The following RALYL variants were observed in gnomAD, a reference collection of about 807,000 sequenced individuals.
RALYL encodes RNA-binding Raly-like protein.
In RALYL, 29 loss-of-function variants were observed where a neutral mutation model predicts 35.1. That is an observed-to-expected ratio of 0.83 (90% CI 0.61 to 1.13). The LOEUF (loss-of-function observed/expected upper bound fraction) is 1.13. RALYL is among the 50% of genes most tolerant of loss of function. The pLI is 0.00. For synonymous variants in RALYL, 120 were observed against 127.6 expected, an observed-to-expected ratio of 0.94 and a Z score of 0.40; for missense variants, 359 against 360.4, an observed-to-expected ratio of 1.00 and a Z score of 0.03.
chr8:84,898,965 T>G (rs908540883), intron 8 of RALYL, among the ~76,000 whole-genome samples: 1 of 152,118 alleles, frequency 6.6e-6, no homozygotes, highest in Non-Finnish European at 1.5e-5. Flanking sequence ...TGAGCCAGGG[T>G]GTTCTTTTTT....
chr8:84,796,141 G>A (rs751932288), intron 3 of RALYL, among the ~76,000 whole-genome samples: 1 of 152,108 alleles, frequency 6.6e-6, no homozygotes, highest in African/African-American at 2.4e-5. Context: ...ACTTCTTTGC[G>A]CAGATGGAGG....
chr8:84,393,564 C>A (rs61435433), intron 1 of RALYL, among the ~76,000 whole-genome samples: 4,299 of 152,090 alleles, frequency 0.028, 197 homozygotes, highest in African/African-American at 0.098. Context: ...AGGAGGAGAC[C>A]ACTGGCGGTC....
intron 1 of RALYL, among the ~76,000 whole-genome samples, chr8:84,506,878 T>C (rs2057213611): frequency 6.6e-6 from 1 of 152,042 alleles, no homozygotes; most frequent in Non-Finnish European, 1.5e-5. Context: ...TTTGCTCTCT[T>C]CTGAAGGTAA....
chr8:84,727,052 A>G (rs72681024), intron 2 of RALYL, among the ~76,000 whole-genome samples: 36,503 of 152,018 alleles, frequency 0.24, 4,582 homozygotes, highest in African/African-American at 0.28. Context: ...GAAGACACTA[A>G]GTGTGTTTAG....
chr8:84,539,863 T>TATATGTGC (rs2135214841), intron 2 of RALYL, among the ~76,000 whole-genome samples: 2 of 84,998 alleles, frequency 2.4e-5, no homozygotes, highest in African/African-American at 9.0e-5. Context: ...TGTATATATA[T>TATATGTGC]ATATATATAT....
At chr8:84,754,151 C>T (rs2133258236) in intron 2 of RALYL, among the ~76,000 whole-genome samples, 1 of 152,052 alleles carries the variant, frequency 6.6e-6, no homozygotes, top group Middle Eastern at 3.4e-3. Context: ...TAATTAGATC[C>T]CATTTGTCAA....
At position 84,683,715 on chromosome 8, in the gene RALYL, C is replaced by T. The variant is rs1436005562; in HGVS notation, c.257-90864C>T. 3.3e-5 allele frequency among the ~76,000 whole-genome samples: 5 copies of T among 152,216 alleles called. No individual in the cohort carries two copies. The East Asian group carries it at 9.7e-4, about 29-fold the overall frequency. ...TTTGGTTTTGGTTTTGAAACTGAGT[C>T]TCACACTGTCACCCAGGCTGGAGTG... On this transcript the variant is annotated intron_variant, in intron 2 of 8. Transcript: ENST00000521268.
At chr8:84,360,566 C>T (rs1030218529) in intron 1 of RALYL, among the ~76,000 whole-genome samples, 2 of 152,014 alleles carry the variant, frequency 1.3e-5, no homozygotes, top group African/African-American at 4.8e-5. Context: ...ATCTTGACTA[C>T]AGGTAAGACA....
At chr8:84,265,665 A>AGCAAAAATAAAAAAATTT (rs1187367463) in intron 1 of RALYL, among the ~76,000 whole-genome samples, 1 of 146,810 alleles carries the variant, frequency 6.8e-6, no homozygotes, top group Non-Finnish European at 1.6e-5. Context: ...ACTGTAAAAT[A>AGCAAAAATAAAAAAATTT]AAAAACTTGG....
chr8:84,394,051 C>T (rs1861274144), intron 1 of RALYL, among the ~76,000 whole-genome samples: 1 of 152,074 alleles, frequency 6.6e-6, no homozygotes, highest in Non-Finnish European at 1.5e-5. Context: ...TAATTTACAT[C>T]TGAAGACAGT....
chr8:84,540,359 A>C (rs1430926178), intron 2 of RALYL, among the ~76,000 whole-genome samples: 1 of 151,600 alleles, frequency 6.6e-6, no homozygotes, highest in African/African-American at 2.4e-5. Flanking sequence ...TTTCTATTAA[A>C]TTAAGGAAGT....
At chr8:84,236,670 A>G (rs1446101472) in intron 1 of RALYL, among the ~76,000 whole-genome samples, 2 of 152,168 alleles carry the variant, frequency 1.3e-5, no homozygotes, top group Non-Finnish European at 2.9e-5. Flanking sequence ...CAGACATTGT[A>G]AGGGCTGTGG....
intron 2 of RALYL, among the ~76,000 whole-genome samples, chr8:84,760,649 A>G (rs1812464597): frequency 6.6e-6 from 1 of 152,120 alleles, no homozygotes; most frequent in South Asian, 2.1e-4. Context: ...TCTCTAATCA[A>G]AATGTTAAGC....
At chr8:84,545,768 G>A (rs2060314046) in intron 2 of RALYL, among the ~76,000 whole-genome samples, 1 of 151,926 alleles carries the variant, frequency 6.6e-6, no homozygotes, top group Non-Finnish European at 1.5e-5. Context: ...CTGAGCTTTG[G>A]GGGAGTAATA....
At chr8:84,467,384 C>T (rs1287341747) in intron 1 of RALYL, among the ~76,000 whole-genome samples, 1 of 151,788 alleles carries the variant, frequency 6.6e-6, no homozygotes, top group Non-Finnish European at 1.5e-5. Flanking sequence ...TTATTTCTGC[C>T]TTCATTTCGT....
intron 3 of RALYL, among the ~76,000 whole-genome samples, chr8:84,780,254 C>G (rs761617398): frequency 6.6e-6 from 1 of 152,156 alleles, no homozygotes; most frequent in Non-Finnish European, 1.5e-5. Flanking sequence ...CCTTCTGAAA[C>G]TGACACAAGC....
intron 1 of RALYL, among the ~76,000 whole-genome samples, chr8:84,511,791 C>T (rs1165495283): frequency 6.6e-6 from 1 of 152,012 alleles, no homozygotes; most frequent in East Asian, 1.9e-4. Flanking sequence ...TGAGAACATC[C>T]AATATTTGTC....
At chr8:84,742,288 T>C (rs1013978527) in intron 2 of RALYL, among the ~76,000 whole-genome samples, 2 of 151,952 alleles carry the variant, frequency 1.3e-5, no homozygotes, top group African/African-American at 2.4e-5. Flanking sequence ...TCAGATAAAA[T>C]AGTGTTTTTA....
intron 1 of RALYL, among the ~76,000 whole-genome samples, chr8:84,324,174 C>T (rs941873155): frequency 6.6e-6 from 1 of 151,986 alleles, no homozygotes; most frequent in Non-Finnish European, 1.5e-5. Flanking sequence ...GGTTTCAGAA[C>T]GTGTGGTTTG....
Sources: gnomAD v4.1 joint callset for allele counts (sites outside exome capture counted in the v4.1 genomes callset) on GRCh38, gnomAD v4.1.1 for gene constraint, MANE v1.5 for transcripts, NCBI Gene and HGNC (gene_info 2026-07-23, HGNC 2026-07-21) for gene names.